The following RGS17 variants were observed in gnomAD, a reference collection of about 807,000 sequenced individuals.
RGS17 encodes regulator of G-protein signaling 17.
Under a neutral mutation model 25.5 loss-of-function variants are expected in RGS17, and 12 were observed. That is an observed-to-expected ratio of 0.47 (90% CI 0.30 to 0.76). The LOEUF (loss-of-function observed/expected upper bound fraction) is 0.76. Ranked by LOEUF, RGS17 falls within the 30% of genes least tolerant of loss-of-function variation. The pLI is 0.07. For missense variants in RGS17, 196 were observed against 242.2 expected (o/e 0.81, Z 1.27); for synonymous variants, 71 against 76.9 (o/e 0.92, Z 0.40).
At chr6:153,088,603 T>A (rs1270081456) in intron 1 of RGS17, among the ~76,000 whole-genome samples, 10 of 152,126 alleles carry the variant, frequency 6.6e-5, no homozygotes, top group Admixed American at 6.5e-4. Context: ...TATTCTTATG[T>A]TAGAGTCTTT....
rs1777762845 is a variant in RGS17, at chr6:153,130,003, G to A, written c.-26+1121C>T. ...CCAGGCGACCCCGGCTCGCTCTCCC[G>A]GAGCCCAGGGACTCCCGAGGCTGGC... is the stretch of plus-strand genomic sequence containing the variant. On this transcript the variant is annotated intron_variant, in intron 1 of 4. Coordinates refer to ENST00000206262, the MANE Select transcript of RGS17 (RefSeq NM_012419.5). The surrounding 1 kb of genome is among the most constrained non-coding windows in gnomAD (Gnocchi z 6.4). 6.6e-6 allele frequency among the ~76,000 whole-genome samples: 1 copy of A among 152,018 alleles called. No individual in the cohort carries two copies. Among genetic ancestry groups the A allele is most frequent in the Admixed American group, 6.5e-5 (1 of 15,268 alleles).
intron 1 of RGS17, among the ~76,000 whole-genome samples, chr6:153,096,243 G>A (rs1390312832): frequency 6.6e-6 from 1 of 152,178 alleles, no homozygotes; most frequent in Admixed American, 6.5e-5. Context: ...TGTTAGCCAA[G>A]AGTAGCAAGT....
At chr6:153,101,073 C>T (rs540057438) in intron 1 of RGS17, among the ~76,000 whole-genome samples, 52 of 152,174 alleles carry the variant, frequency 3.4e-4, no homozygotes, top group African/African-American at 5.5e-4. Context: ...ATTTGGCTAT[C>T]GTATTGCTTT....
Position 153,011,420 on chromosome 6 carries a change from T to A in RGS17, c.*154A>T. 2 of 590,946 alleles carry A rather than the reference T, an allele frequency of 3.4e-6. No homozygotes were observed. Among genetic ancestry groups the A allele is most frequent in the Non-Finnish European group, 5.9e-6 (2 of 337,148 alleles). 36.6% of individuals were successfully genotyped at this position (590,946 alleles called of 1,614,324 possible). A position where few individuals can be genotyped will look rare whatever the true frequency, so the allele number is the denominator to read the frequency against. On this transcript the variant is annotated 3_prime_UTR_variant, in exon 5 of 5. Transcript: ENST00000206262. ...CTCCAAACTTAACCATGGAAAACCT[T>A]GATAAAAATGGAGACAAAGACCATA...
At chr6:153,023,921 T>C (rs560055118) in intron 4 of RGS17, among the ~76,000 whole-genome samples, 1 of 152,196 alleles carries the variant, frequency 6.6e-6, no homozygotes, top group East Asian at 1.9e-4. Flanking sequence ...ATTCACATGA[T>C]CTAGGGGTCA....
At chr6:153,094,322 A>G (rs1197642267) in intron 1 of RGS17, among the ~76,000 whole-genome samples, 2 of 151,822 alleles carry the variant, frequency 1.3e-5, no homozygotes, top group Non-Finnish European at 2.9e-5. Context: ...CAAGCAATCC[A>G]CTCGCTTCAG....
chr6:153,053,851 A>G (rs149906839), intron 1 of RGS17, among the ~76,000 whole-genome samples: 59 of 146,892 alleles, frequency 4.0e-4, no homozygotes, highest in South Asian at 3.2e-3. Flanking sequence ...GTATGGGAGT[A>G]TTTATTTTAT....
intron 1 of RGS17, among the ~76,000 whole-genome samples, chr6:153,090,897 T>C (rs1195778212): frequency 6.6e-6 from 1 of 152,110 alleles, no homozygotes; most frequent in Non-Finnish European, 1.5e-5. Flanking sequence ...ACAGGGGTCT[T>C]GGAACTAATC....
At chr6:153,044,164 G>A in intron 1 of RGS17, 121 bp from the exon 2 acceptor site, 1 of 623,914 alleles carries the variant, frequency 1.6e-6, no homozygotes, top group Non-Finnish European at 2.8e-6. Flanking sequence ...GGTAAAATAA[G>A]GAAACTTGAG....
chr6:153,026,944 A>T (rs1308286449), intron 2 of RGS17, among the ~76,000 whole-genome samples: 1 of 152,184 alleles, frequency 6.6e-6, no homozygotes, highest in Non-Finnish European at 1.5e-5. Flanking sequence ...TTCTATTCAT[A>T]GTCTGTTTTC....
chr6:153,064,537 G>A (rs994890136), intron 1 of RGS17, among the ~76,000 whole-genome samples: 5 of 151,968 alleles, frequency 3.3e-5, no homozygotes, highest in Non-Finnish European at 5.9e-5. Context: ...GGCTGAGGCA[G>A]GAGAATAGTG....
intron 1 of RGS17, among the ~76,000 whole-genome samples, chr6:153,084,990 A>T (rs1046897508): frequency 6.6e-6 from 1 of 152,208 alleles, no homozygotes; most frequent in African/African-American, 2.4e-5. Context: ...AATTCAGATA[A>T]AGAAACAAAA....
At chr6:153,083,350 T>C (rs1288802751) in intron 1 of RGS17, among the ~76,000 whole-genome samples, 5 of 152,214 alleles carry the variant, frequency 3.3e-5, no homozygotes, top group Non-Finnish European at 4.4e-5. Flanking sequence ...AAGAAAATAG[T>C]TACAGTTGTC....
At chr6:153,044,139 G>A in intron 1 of RGS17, 96 bp from the exon 2 acceptor site, 5 of 672,912 alleles carry the variant, frequency 7.4e-6, no homozygotes, top group African/African-American at 1.9e-5. Context: ...GAAGGAGGGA[G>A]GTAATTTAAG....
intron 3 of RGS17, among the ~76,000 whole-genome samples, chr6:153,024,940 G>A (rs1460353960): frequency 2.6e-5 from 4 of 151,648 alleles, no homozygotes; most frequent in Non-Finnish European, 5.9e-5. Context: ...CATCTCTGGT[G>A]GCCATTTTTT....
At chr6:153,062,368 T>C (rs1776651375) in intron 1 of RGS17, among the ~76,000 whole-genome samples, 1 of 152,174 alleles carries the variant, frequency 6.6e-6, no homozygotes, top group African/African-American at 2.4e-5. Flanking sequence ...AACTCAGTGG[T>C]GTACTGTTAG....
chr6:153,081,029 T>C (rs973007711), intron 1 of RGS17, among the ~76,000 whole-genome samples: 5 of 152,156 alleles, frequency 3.3e-5, no homozygotes, highest in Non-Finnish European at 7.4e-5. Flanking sequence ...TGGCTCAGCA[T>C]CTATTGTGAT....
chr6:153,058,319 T>A (rs1933261), intron 1 of RGS17, among the ~76,000 whole-genome samples: 4 of 151,952 alleles, frequency 2.6e-5, no homozygotes, highest in African/African-American at 9.7e-5. Context: ...TATGGTGGGA[T>A]GTAAAGTTTT....
intron 1 of RGS17, among the ~76,000 whole-genome samples, chr6:153,086,265 A>G (rs1777052168): frequency 1.3e-5 from 2 of 152,210 alleles, no homozygotes; most frequent in Admixed American, 1.3e-4. Context: ...ATTTTGATGT[A>G]GTGGTTTTAG....
Sources: allele counts gnomAD v4.1 joint callset (sites outside exome capture counted in the v4.1 genomes callset), GRCh38; gene constraint gnomAD v4.1.1; non-coding constraint Gnocchi (gnomAD v3.1); transcripts MANE v1.5; gene names NCBI Gene and HGNC (gene_info 2026-07-23, HGNC 2026-07-21).